Variants in PLCL2 observed in about 807,000 individuals in gnomAD.
PLCL2 encodes the protein phospholipase C like 2, also known as inactive phospholipase C-like protein 2.
Under a neutral mutation model 79.6 loss-of-function variants are expected in PLCL2, and 4 were observed. The ratio of observed to expected loss-of-function variants is 0.05; its 90% CI spans 0.02 to 0.11. The LOEUF is 0.11. PLCL2 is among the 10% of genes least tolerant of loss of function. The pLI, the probability that PLCL2 is intolerant of heterozygous loss-of-function variation, is 1.00. For synonymous variants in PLCL2, 484 were observed against 457.7 expected, an observed-to-expected ratio of 1.06 and a Z score of -0.73; for missense variants, 895 against 1,291.0, an observed-to-expected ratio of 0.69 and a Z score of 4.70.
At chr3:17,062,692 C>G (rs558804104) in intron 4 of PLCL2, among the ~76,000 whole-genome samples, 1 of 152,158 alleles carries the variant, frequency 6.6e-6, no homozygotes, top group Non-Finnish European at 1.5e-5. Flanking sequence ...ATGTGAACAA[C>G]TATACTTGGC....
intron 1 of PLCL2, among the ~76,000 whole-genome samples, chr3:16,964,608 A>G (rs1000783667): frequency 5.9e-5 from 9 of 152,276 alleles, no homozygotes; most frequent in African/African-American, 1.9e-4. Flanking sequence ...GTCTTCCACA[A>G]TGGTTGAACT....
intron 2 of PLCL2, 141 bp downstream of exon 2, chr3:17,012,301 A>C: frequency 1.4e-6 from 1 of 724,784 alleles, no homozygotes; most frequent in Non-Finnish European, 2.1e-6. Context: ...GTTTGCCACT[A>C]GTCTGTTTTT....
intron 1 of PLCL2, among the ~76,000 whole-genome samples, chr3:16,960,609 T>C (rs927148093): frequency 6.6e-6 from 1 of 152,216 alleles, no homozygotes; most frequent in Non-Finnish European, 1.5e-5. Context: ...ATTGCCTGCT[T>C]CACCCCATTC....
rs149660852 is a variant in PLCL2, at chr3:17,080,919, G to C, written c.3205-8814G>C. The stretch of plus-strand genomic sequence containing the variant: ...ACCTGCTTGCTTTAAAATATTGCAT[G>C]CAGTCTGTGGGGTTCAACTCTCTAT... On this transcript the variant is annotated intron_variant, in intron 5 of 5. Coordinates refer to ENST00000615277, the MANE Select transcript of PLCL2 (RefSeq NM_001144382.2). Among the ~76,000 whole-genome samples the C allele has an allele frequency of 4.4e-3, 668 of 152,314 alleles. 2 individuals are homozygous for C. Among genetic ancestry groups the C allele is most frequent in the African/African-American group, 0.015 (638 of 41,564 alleles).
At chr3:16,935,844 G>A (rs964377661) in intron 1 of PLCL2, among the ~76,000 whole-genome samples, 5 of 152,180 alleles carry the variant, frequency 3.3e-5, no homozygotes, top group Non-Finnish European at 5.9e-5. Flanking sequence ...AGAATAGAAT[G>A]TTTGAAATCC....
chr3:16,906,642 T>C (rs1436431586), intron 1 of PLCL2, among the ~76,000 whole-genome samples: 2 of 152,226 alleles, frequency 1.3e-5, no homozygotes. Flanking sequence ...TTCTTTCCAG[T>C]TTATTTTGTG....
intron 1 of PLCL2, among the ~76,000 whole-genome samples, chr3:16,992,198 TG>T (rs1215589565): frequency 2.6e-5 from 4 of 152,080 alleles, no homozygotes; most frequent in African/African-American, 9.7e-5. Flanking sequence ...GATTGGGTGG[TG>T]ATCGGGGTGG....
At chr3:16,895,131 T>G (rs2124916722) in intron 1 of PLCL2, among the ~76,000 whole-genome samples, 1 of 145,958 alleles carries the variant, frequency 6.9e-6, no homozygotes, top group East Asian at 2.0e-4. Flanking sequence ...TTGAAACATG[T>G]ATCTATATCG....
rs1258719696 is a variant in PLCL2, at chr3:16,919,929, A to C, written c.327+34563A>C. Among the ~76,000 whole-genome samples, 3 of 152,294 alleles carry C rather than the reference A, an allele frequency of 2.0e-5. No individual in the cohort carries two copies. In the East Asian group the frequency reaches 5.8e-4, roughly 29 times the overall value. ...AAGCAATTGAAAATTCACTCAGGCA[A>C]ATTATAGAATAATGAATATCCATAT... On this transcript the variant is annotated intron_variant, in intron 1 of 5. Transcript: ENST00000615277.
chr3:16,995,287 CAA>C (rs2064142417), intron 1 of PLCL2, among the ~76,000 whole-genome samples: 1 of 152,218 alleles, frequency 6.6e-6, no homozygotes, highest in South Asian at 2.1e-4. Context: ...TGTGGTAAAA[CAA>C]AAGAGACTTC....
chr3:17,029,020 A>C (rs546978954), intron 3 of PLCL2, among the ~76,000 whole-genome samples: 2 of 152,234 alleles, frequency 1.3e-5, no homozygotes, highest in South Asian at 4.1e-4. Context: ...TGCACACAAA[A>C]TGCCTCGGGG....
chr3:16,921,750 T>C (rs1697128891), intron 1 of PLCL2, among the ~76,000 whole-genome samples: 1 of 152,174 alleles, frequency 6.6e-6, no homozygotes, highest in Admixed American at 6.6e-5. Flanking sequence ...TGTAAATCAT[T>C]TTAACATGAT....
intron 1 of PLCL2, among the ~76,000 whole-genome samples, chr3:16,989,382 T>C (rs1326685626): frequency 6.6e-6 from 1 of 152,154 alleles, no homozygotes; most frequent in Non-Finnish European, 1.5e-5. Flanking sequence ...CACTAGCTGC[T>C]AGCCCCGCTT....
intron 1 of PLCL2, among the ~76,000 whole-genome samples, chr3:16,965,193 TGTATAAG>T (rs1378154106): frequency 1.3e-5 from 2 of 152,244 alleles, no homozygotes; most frequent in Admixed American, 6.5e-5. Context: ...AATTAATTTT[TGTATAAG>T]GTATAAGGAA....
intron 1 of PLCL2, among the ~76,000 whole-genome samples, chr3:16,942,877 C>T (rs553494436): frequency 3.3e-5 from 5 of 152,166 alleles, no homozygotes; most frequent in South Asian, 2.1e-4. Context: ...TCATAGACCA[C>T]GTATCTAAAA....
intron 1 of PLCL2, among the ~76,000 whole-genome samples, chr3:16,964,343 C>T (rs1178607487): frequency 1.3e-5 from 2 of 152,144 alleles, no homozygotes; most frequent in Non-Finnish European, 2.9e-5. Context: ...CTACAAAGTA[C>T]ATGAACTCAT....
chr3:16,991,105 G>C lies in PLCL2; in HGVS notation c.328-18569G>C, dbSNP rs574954376. Among the ~76,000 whole-genome samples the C allele has an allele frequency of 1.1e-4, 17 of 152,320 alleles. No individual in the cohort carries two copies. The South Asian group carries it at 3.5e-3, about 32-fold the overall frequency. On this transcript the variant is annotated intron_variant, in intron 1 of 5. Coordinates refer to ENST00000615277, the MANE Select transcript of PLCL2 (RefSeq NM_001144382.2). ...CTTCTTACCCAGCCTTCAGTCTGCT[G>C]TCAGAGCCTCATGTGCATAACCCAG...
rs529392966 is a variant in PLCL2 at position 16,946,101 on chromosome 3, C to G, written c.327+60735C>G. On this transcript the variant is annotated intron_variant, in intron 1 of 5. Transcript: ENST00000615277. ...AGAGCAACAGGCTTTGAGTCTAAGTCAAGAATCTTCCAGACTGAGGTAGCC... is the reference window on the plus strand; with the variant it reads ...AGAGCAACAGGCTTTGAGTCTAAGTGAAGAATCTTCCAGACTGAGGTAGCC... Among the ~76,000 whole-genome samples, 3 of 152,162 alleles carry G rather than the reference C, an allele frequency of 2.0e-5. No individual in the cohort carries two copies. The East Asian group carries it at 5.8e-4, about 29-fold the overall frequency.
Position 17,010,675 on chromosome 3 carries a change from A to G in PLCL2, c.1329A>G (p.Thr443=), listed in dbSNP as rs775478037. ...SHYFINSSHN[T]YLIEDQFRGP... ...ACTTTATAAACTCATCTCATAATAC[A>G]TACTTAATAGAGGATCAGTTCCGAG... Residue 443 remains threonine (T), a synonymous_variant, in exon 2 of 6, where the codon ACA becomes ACG. Transcript: ENST00000615277. The surrounding 1 kb of genome is among the most constrained non-coding windows in gnomAD (Gnocchi z 5.8). 1 of 1,614,018 alleles carries G rather than the reference A, an allele frequency of 6.2e-7. No homozygotes were observed.
Sources: allele counts gnomAD v4.1 joint callset (sites outside exome capture counted in the v4.1 genomes callset), GRCh38; gene constraint gnomAD v4.1.1; non-coding constraint Gnocchi (gnomAD v3.1); transcripts MANE v1.5; gene names NCBI Gene and HGNC (gene_info 2026-07-23, HGNC 2026-07-21).